Variants in BMAL1 observed in about 807,000 individuals in gnomAD.
BMAL1 encodes basic helix-loop-helix ARNT-like protein 1.
chr11:13,349,450 C>T, the BMAL1 span, among the ~76,000 whole-genome samples: 1 of 152,240 alleles, frequency 6.6e-6, no homozygotes, highest in East Asian at 1.9e-4. Flanking sequence ...TTCTCCACCT[C>T]TCTGTGCCTC....
the BMAL1 span, chr11:13,381,085 C>A: frequency 6.8e-7 from 1 of 1,463,596 alleles, no homozygotes; most frequent in Non-Finnish European, 9.5e-7. Flanking sequence ...CATCCCCTTT[C>A]TCACCTTTAC....
the BMAL1 span, chr11:13,360,518 CTT>C: frequency 1.5e-5 from 15 of 1,011,216 alleles, no homozygotes; most frequent in Admixed American, 2.4e-5. Context: ...CAACACTGAG[CTT>C]TTTTTTTTAG....
the BMAL1 span, chr11:13,360,374 T>A: frequency 6.2e-7 from 1 of 1,614,050 alleles, no homozygotes; most frequent in Non-Finnish European, 8.5e-7. Context: ...AGAAGCAAAC[T>A]ACAAACCAAC....
At chr11:13,288,431 T>TCTTTCTTTCTTC in the BMAL1 span, among the ~76,000 whole-genome samples, 2 of 144,888 alleles carry the variant, frequency 1.4e-5, no homozygotes, top group African/African-American at 5.2e-5. Flanking sequence ...TTTCTTTTTT[T>TCTTTCTTTCTTC]TTTTTTTGTG....
At chr11:13,348,646 G>A in the BMAL1 span, among the ~76,000 whole-genome samples, 1 of 152,190 alleles carries the variant, frequency 6.6e-6, no homozygotes, top group Admixed American at 6.5e-5. Flanking sequence ...CCTATATTAA[G>A]CCTGGGGATT....
the BMAL1 span, among the ~76,000 whole-genome samples, chr11:13,362,517 A>G: frequency 0.012 from 1,765 of 152,264 alleles, 36 homozygotes; most frequent in African/African-American, 0.041. Context: ...TTCAACAAAC[A>G]TTTTTGTTTA....
chr11:13,352,796 C>T, the BMAL1 span, among the ~76,000 whole-genome samples: 1 of 152,200 alleles, frequency 6.6e-6, no homozygotes, highest in South Asian at 2.1e-4. Context: ...GTAGCTCACA[C>T]TCACCCTCCT....
At chr11:13,348,536 G>A in the BMAL1 span, among the ~76,000 whole-genome samples, 3 of 152,072 alleles carry the variant, frequency 2.0e-5, no homozygotes, top group Non-Finnish European at 4.4e-5. Context: ...GGTGTGGGAG[G>A]AAGAGAGGAA....
At chr11:13,356,950 C>T in the BMAL1 span, 1 of 1,591,874 alleles carries the variant, frequency 6.3e-7, no homozygotes, top group South Asian at 1.1e-5. Flanking sequence ...CCTTGTGTGT[C>T]TGCAGAGAGA....
chr11:13,283,958 C>A, the BMAL1 span, among the ~76,000 whole-genome samples: 1 of 151,496 alleles, frequency 6.6e-6, no homozygotes, highest in Non-Finnish European at 1.5e-5. Flanking sequence ...ACCTCCCACC[C>A]TCATCTAGCC....
At chr11:13,305,126 A>G in the BMAL1 span, among the ~76,000 whole-genome samples, 1 of 152,212 alleles carries the variant, frequency 6.6e-6, no homozygotes, top group Admixed American at 6.5e-5. Context: ...TTAATAGACC[A>G]TGATCTCACT....
At chr11:13,278,262 C>T in the BMAL1 span, among the ~76,000 whole-genome samples, 5 of 152,326 alleles carry the variant, frequency 3.3e-5, no homozygotes, top group Non-Finnish European at 4.4e-5. Context: ...CGCCCTTCCG[C>T]GGGCATCGCT....
the BMAL1 span, among the ~76,000 whole-genome samples, chr11:13,280,644 G>A: frequency 2.0e-5 from 3 of 152,282 alleles, no homozygotes; most frequent in East Asian, 1.9e-4. Context: ...TTGAGGTTTC[G>A]TTGGGAGCTA....
the BMAL1 span, chr11:13,385,871 G>A: frequency 9.4e-7 from 1 of 1,060,998 alleles, no homozygotes; most frequent in Non-Finnish European, 1.4e-6. Flanking sequence ...GAACTGAACT[G>A]TGTGAAACAA....
At chr11:13,358,356 C>A in the BMAL1 span, 1 of 1,400,688 alleles carries the variant, frequency 7.1e-7, no homozygotes. Context: ...AAAACAGTTA[C>A]AACTCATTTA....
chr11:13,347,667 C>T, the BMAL1 span, among the ~76,000 whole-genome samples: 3 of 132,240 alleles, frequency 2.3e-5, no homozygotes, highest in East Asian at 6.4e-4. Context: ...GGCAACAATG[C>T]AAAGCCTCCT....
the BMAL1 span, chr11:13,356,287 CTT>C: frequency 4.4e-6 from 2 of 458,624 alleles, no homozygotes; most frequent in Non-Finnish European, 4.4e-6. Flanking sequence ...CACTTCGTCC[CTT>C]CCCTGCCAAA....
chr11:13,365,467 A>T, the BMAL1 span: 5 of 1,580,932 alleles, frequency 3.2e-6, no homozygotes, highest in East Asian at 1.1e-4. Context: ...TTCCTACAGT[A>T]TGAGAAATTG....
the BMAL1 span, chr11:13,360,246 TA>T: frequency 1.9e-6 from 2 of 1,040,954 alleles, no homozygotes; most frequent in East Asian, 4.8e-5. Context: ...TACCAGGTCA[TA>T]GAGACTAGGC....
Sources: allele counts gnomAD v4.1 joint callset (sites outside exome capture counted in the v4.1 genomes callset), GRCh38; gene constraint gnomAD v4.1.1; transcripts MANE v1.5; gene names NCBI Gene and HGNC (gene_info 2026-07-23, HGNC 2026-07-21).